Variants in PASD1 observed in about 807,000 individuals in gnomAD.
The protein encoded by PASD1 is PAS domain containing repressor 1, also known as circadian clock protein PASD1.
Under a neutral mutation model 58.8 loss-of-function variants are expected in PASD1, and 13 were observed. The observed-to-expected ratio is 0.22, with a 90% CI of 0.14 to 0.35. The LOEUF is 0.35. Ranked by LOEUF, PASD1 falls within the 10% of genes least tolerant of loss-of-function variation. The pLI, the probability that PASD1 is intolerant of heterozygous loss-of-function variation, is 1.00. For synonymous variants in PASD1, 236 were observed against 216.7 expected, an observed-to-expected ratio of 1.09 and a Z score of -0.78; for missense variants, 734 against 568.3, an observed-to-expected ratio of 1.29 and a Z score of -2.96.
intron 12 of PASD1, 118 bp from the exon 13 acceptor site, chrX:151,671,455 A>G: frequency 1.1e-6 from 1 of 914,125 alleles, no homozygotes; most frequent in Admixed American, 2.6e-5. Flanking sequence ...GCTTATATAT[A>G]GCCAAGGCTT....
chrX:151,632,774 C>G (rs1187225553), intron 8 of PASD1, among the ~76,000 whole-genome samples: 2 of 110,916 alleles, frequency 1.8e-5, no homozygotes, highest in Admixed American at 1.9e-4. Flanking sequence ...CTCAGTTTTG[C>G]CATTTACAGT....
chrX:151,633,307 G>A, intron 8 of PASD1, among the ~76,000 whole-genome samples: 1 of 111,081 alleles, frequency 9.0e-6, no homozygotes, highest in Non-Finnish European at 1.9e-5. Flanking sequence ...ATGACTCTGT[G>A]CTCCGACACC....
intron 11 of PASD1, among the ~76,000 whole-genome samples, chrX:151,667,101 A>G (rs1219865244): frequency 9.0e-6 from 1 of 111,361 alleles, no homozygotes; most frequent in Non-Finnish European, 1.9e-5. Flanking sequence ...ATGGTATCTC[A>G]TTGTGGTTTT....
intron 1 of PASD1, among the ~76,000 whole-genome samples, chrX:151,599,593 C>A (rs754439715): frequency 7.0e-4 from 75 of 107,083 alleles, no homozygotes; most frequent in Middle Eastern, 5.2e-3. Flanking sequence ...GACGGGGTGG[C>A]GGCGGGGCAG....
intron 1 of PASD1, among the ~76,000 whole-genome samples, chrX:151,597,625 A>G (rs2013337412): frequency 9.0e-6 from 1 of 111,525 alleles, no homozygotes; most frequent in African/African-American, 3.3e-5. Context: ...TTTCTGTTTT[A>G]TCTTTATTTT....
chrX:151,633,475 A>T (rs2013893692), intron 8 of PASD1, among the ~76,000 whole-genome samples: 1 of 111,512 alleles, frequency 9.0e-6, no homozygotes, highest in Admixed American at 9.6e-5. Context: ...ACATTTAACT[A>T]ATCATATTAG....
intron 4 of PASD1, among the ~76,000 whole-genome samples, chrX:151,617,574 A>C (rs12115918): frequency 1.0e-5 from 1 of 100,449 alleles, no homozygotes; most frequent in Non-Finnish European, 2.1e-5. Flanking sequence ...CTACTAGACT[A>C]TGTGCTCATT....
At chrX:151,577,529 A>G (rs2013024693) in intron 1 of PASD1, among the ~76,000 whole-genome samples, 1 of 111,176 alleles carries the variant, frequency 9.0e-6, no homozygotes, top group Non-Finnish European at 1.9e-5. Context: ...GAGAGTCTTT[A>G]TTTATTTATT....
intron 8 of PASD1, among the ~76,000 whole-genome samples, chrX:151,638,204 C>G (rs1368222072): frequency 9.2e-6 from 1 of 108,666 alleles, no homozygotes; most frequent in Non-Finnish European, 1.9e-5. Context: ...GACAGAAAAC[C>G]AAACACCGCA....
intron 2 of PASD1, among the ~76,000 whole-genome samples, chrX:151,603,294 A>G (rs2013443860): frequency 8.9e-6 from 1 of 112,545 alleles, no homozygotes. Context: ...AATCCCTGCC[A>G]TGACCTAAGT....
chrX:151,674,557 G>A (rs1267554749), intron 15 of PASD1, among the ~76,000 whole-genome samples: 7 of 112,694 alleles, frequency 6.2e-5, no homozygotes, highest in Non-Finnish European at 1.3e-4. Flanking sequence ...AAGACCTAGT[G>A]TAGGTATGTT....
At chrX:151,577,440 T>C (rs766018732) in intron 1 of PASD1, among the ~76,000 whole-genome samples, 4 of 112,455 alleles carry the variant, frequency 3.6e-5, no homozygotes, top group Non-Finnish European at 7.5e-5. Context: ...AGGAGACTTA[T>C]CTTACACAGA....
At chrX:151,634,299 G>T (rs1198497640) in intron 8 of PASD1, among the ~76,000 whole-genome samples, 2 of 109,575 alleles carry the variant, frequency 1.8e-5, no homozygotes, top group Non-Finnish European at 3.8e-5. Context: ...TAGATATTTT[G>T]TGTGTGTGTA....
chrX:151,641,740 C>T (rs778003895), intron 8 of PASD1, among the ~76,000 whole-genome samples: 67 of 110,433 alleles, frequency 6.1e-4, no homozygotes, highest in Non-Finnish European at 8.5e-4. Context: ...TACATTATTT[C>T]CTGAGTCATC....
At chrX:151,653,886 CTTTCT>C (rs2014197257) in intron 9 of PASD1, among the ~76,000 whole-genome samples, 3 of 39,085 alleles carry the variant, frequency 7.7e-5, no homozygotes, top group African/African-American at 3.3e-4. Flanking sequence ...TTCTTTCTTT[CTTTCT>C]TTCTTTCTTT....
chrX:151,622,329 T>C (rs1048659857), intron 6 of PASD1, among the ~76,000 whole-genome samples: 2 of 110,110 alleles, frequency 1.8e-5, no homozygotes, highest in Non-Finnish European at 3.8e-5. Flanking sequence ...CTAACAAATA[T>C]ATGAAAAGAT....
In PASD1 at chrX:151,566,098, C is replaced by A. The variant is rs2012837596; in HGVS notation, c.-28+2259C>A. ...CTGGTTTTGGTTTCAACATTTCATT[C>A]AACACATATTCAGAAGTTCTGTTAG... On this transcript the variant is annotated intron_variant, in intron 1 of 15. Transcript: ENST00000370357. 2.7e-5 allele frequency among the ~76,000 whole-genome samples: 3 copies of A among 112,254 alleles called. No individual in the cohort carries two copies. In the South Asian group the frequency reaches 1.1e-3, roughly 41 times the overall value.
At chrX:151,665,953 T>C (rs113838518) in intron 11 of PASD1, among the ~76,000 whole-genome samples, 2,811 of 107,147 alleles carry the variant, frequency 0.026, 91 homozygotes, top group African/African-American at 0.09. Flanking sequence ...GGAAGAGACA[T>C]ACAATACATA....
rs1199048953 is a variant in PASD1 at position 151,599,238 on chromosome X, T to A, written c.-27-2289T>A. On this transcript the variant is annotated intron_variant, in intron 1 of 15. Coordinates refer to ENST00000370357, the MANE Select transcript of PASD1 (RefSeq NM_173493.3). ...TCTACTTCTTTCTACACAGACACAGTAACAATCTGATCTCTCTTTCTTTTC... is the reference window on the plus strand; with the variant it reads ...TCTACTTCTTTCTACACAGACACAGAAACAATCTGATCTCTCTTTCTTTTC... 2.4e-4 allele frequency among the ~76,000 whole-genome samples: 27 copies of A among 112,668 alleles called. 1 individual carries two copies. In the East Asian group the frequency reaches 6.7e-3, roughly 28 times the overall value.
Sources: gnomAD v4.1 joint callset for allele counts (sites outside exome capture counted in the v4.1 genomes callset) on GRCh38, gnomAD v4.1.1 for gene constraint, MANE v1.5 for transcripts, NCBI Gene and HGNC (gene_info 2026-07-23, HGNC 2026-07-21) for gene names.